Variants in TIAM2 observed in about 807,000 individuals in gnomAD.
TIAM2 encodes the protein rho guanine nucleotide exchange factor TIAM2.
In TIAM2, 80 loss-of-function variants were observed where a neutral mutation model predicts 152.9. That is an observed-to-expected ratio of 0.52 (90% CI 0.44 to 0.63). The LOEUF (loss-of-function observed/expected upper bound fraction) is 0.63. Among genes scored for constraint, TIAM2 ranks in the 30% least tolerant of loss-of-function variants. The pLI is 0.00. For synonymous variants in TIAM2, 804 were observed against 838.0 expected, an observed-to-expected ratio of 0.96 and a Z score of 0.70; for missense variants, 1,965 against 2,120.1, an observed-to-expected ratio of 0.93 and a Z score of 1.44.
At chr6:155,000,303 G>C (rs964877666) in intron 1 of TIAM2, among the ~76,000 whole-genome samples, 5 of 152,014 alleles carry the variant, frequency 3.3e-5, no homozygotes, top group African/African-American at 1.2e-4. Context: ...GGGAGGCCAA[G>C]GGGCGGATCA....
At chr6:155,198,690 A>AAAAAAC (rs1781408545) in intron 14 of TIAM2, among the ~76,000 whole-genome samples, 2 of 138,936 alleles carry the variant, frequency 1.4e-5, no homozygotes, top group African/African-American at 5.1e-5. Flanking sequence ...AAAAAAAAAA[A>AAAAAAC]TCTCTTAATG....
intron 1 of TIAM2, among the ~76,000 whole-genome samples, chr6:155,012,014 ACT>A (rs1562289325): frequency 6.6e-6 from 1 of 152,192 alleles, no homozygotes; most frequent in East Asian, 1.9e-4. Flanking sequence ...CCAAATGTAG[ACT>A]CTGGATTTCC....
At chr6:155,221,641 A>G (rs943260700) in intron 15 of TIAM2, among the ~76,000 whole-genome samples, 8 of 152,042 alleles carry the variant, frequency 5.3e-5, no homozygotes, top group Non-Finnish European at 8.8e-5. Context: ...GTCGTAAGGG[A>G]CCTCTTGCCA....
intron 14 of TIAM2, among the ~76,000 whole-genome samples, chr6:155,206,243 C>G (rs888707368): frequency 2.6e-5 from 4 of 151,724 alleles, no homozygotes; most frequent in Non-Finnish European, 4.4e-5. Context: ...TCCTTGTCCA[C>G]AGCATGGTTT....
At chr6:155,061,508 C>T (rs921069456) in intron 1 of TIAM2, among the ~76,000 whole-genome samples, 44 of 152,222 alleles carry the variant, frequency 2.9e-4, no homozygotes, top group Admixed American at 2.8e-3. Context: ...AATCTTGAGT[C>T]GCGTTGTTTA....
intron 3 of TIAM2, 83 bp downstream of exon 3, chr6:155,127,683 G>T: frequency 2.3e-6 from 1 of 434,362 alleles, no homozygotes; most frequent in South Asian, 1.7e-5. Context: ...AATTATTTGG[G>T]CTAGCGATTT....
chr6:155,165,263 G>A lies in TIAM2; in HGVS notation c.2215G>A (p.Val739Ile). 1 of 1,604,986 alleles carries A rather than the reference G, an allele frequency of 6.2e-7. No individual in the cohort carries two copies. Among genetic ancestry groups the A allele is most frequent in the South Asian group, 1.1e-5 (1 of 89,172 alleles). Residue 739 changes from valine (V) to isoleucine (I), a missense_variant and splice_region_variant, in exon 9 of 27, where the codon GTA becomes ATA. By Grantham distance (29) the Val-to-Ile change is conservative. Coordinates refer to ENST00000682666, the MANE Select transcript of TIAM2 (RefSeq NM_012454.4). Reference sequence around the variant, plus strand: ...TTTTTTAAACTGTGTTTTACATTAGGTATGTTCTAGAGATGACTCTGCTCT... The same window carrying A: ...TTTTTTAAACTGTGTTTTACATTAGATATGTTCTAGAGATGACTCTGCTCT... ...ILSVSSFHALVCSRDDSALRK... is the reference protein window; with the variant it reads ...ILSVSSFHALICSRDDSALRK...
chr6:155,253,133 TG>T (rs1320293830), intron 24 of TIAM2, 80 bp downstream of exon 24: 2 of 1,243,000 alleles, frequency 1.6e-6, no homozygotes, highest in African/African-American at 3.0e-5. Context: ...GAAAGGACCT[TG>T]GGGATAATTT....
chr6:155,103,686 T>C (rs894765075), intron 2 of TIAM2, among the ~76,000 whole-genome samples: 2 of 128,978 alleles, frequency 1.6e-5, no homozygotes, highest in African/African-American at 6.2e-5. Flanking sequence ...ATAGCACTAT[T>C]GCACTCCAGC....
chr6:155,136,869 A>C (rs989634274), intron 4 of TIAM2, among the ~76,000 whole-genome samples: 11 of 152,218 alleles, frequency 7.2e-5, no homozygotes, highest in African/African-American at 2.7e-4. Flanking sequence ...AGTAATCTTC[A>C]CTAGTGTGTT....
At chr6:155,073,069 T>G (rs1409447862) in intron 1 of TIAM2, among the ~76,000 whole-genome samples, 1 of 152,106 alleles carries the variant, frequency 6.6e-6, no homozygotes, top group Non-Finnish European at 1.5e-5. Flanking sequence ...CTAAGATCTG[T>G]TATTAAAGGT....
chr6:155,185,954 T>C (rs1781034954), intron 14 of TIAM2, among the ~76,000 whole-genome samples: 1 of 152,240 alleles, frequency 6.6e-6, no homozygotes, highest in African/African-American at 2.4e-5. Context: ...ACAGAGGCTT[T>C]TCTTTTTCTT....
At chr6:155,084,676 A>G (rs910746242) in intron 1 of TIAM2, among the ~76,000 whole-genome samples, 1 of 152,132 alleles carries the variant, frequency 6.6e-6, no homozygotes, top group Non-Finnish European at 1.5e-5. Flanking sequence ...ACTGTGCTCC[A>G]TGTGTATAGG....
Position 155,176,897 on chromosome 6 carries a change from C to T in TIAM2, c.2443C>T (p.His815Tyr), listed in dbSNP as rs2115130164. The T allele has an allele frequency of 1.2e-6, 2 of 1,613,952 alleles. No individual in the cohort carries two copies. Among genetic ancestry groups the T allele is most frequent in the Non-Finnish European group, 1.7e-6 (2 of 1,179,976 alleles). The change falls in exon 10 of 27, where the codon CAC (histidine) becomes TAC (tyrosine). Residue 815 changes from histidine (H) to tyrosine (Y), a missense_variant. Coordinates refer to ENST00000682666, the MANE Select transcript of TIAM2 (RefSeq NM_012454.4). The stretch of plus-strand genomic sequence containing the variant: ...TGCATGGGAAATCCAGACTTATGTC[C>T]ACTTTCAGGACAATCACGGAGTTAC... ...DNAWEIQTYVHFQDNHGVTVG... is the reference protein window; with the variant it reads ...DNAWEIQTYVYFQDNHGVTVG...
At chr6:155,240,049 C>T (rs1337986896) in intron 15 of TIAM2, among the ~76,000 whole-genome samples, 1 of 152,222 alleles carries the variant, frequency 6.6e-6, no homozygotes, top group Non-Finnish European at 1.5e-5. Context: ...GCCAGGTCGT[C>T]CTGTAATTGC....
chr6:155,153,627 T>TTA (rs1780031234), intron 7 of TIAM2, among the ~76,000 whole-genome samples: 3 of 137,928 alleles, frequency 2.2e-5, no homozygotes, highest in African/African-American at 8.1e-5. Context: ...TACGCTTTTT[T>TTA]TTTTTTTTTT....
intron 2 of TIAM2, among the ~76,000 whole-genome samples, chr6:155,104,816 A>C (rs1029224618): frequency 5.3e-5 from 8 of 152,288 alleles, no homozygotes; most frequent in Admixed American, 3.9e-4. Flanking sequence ...ATGTGGAAAA[A>C]GATTGTGTGT....
intron 1 of TIAM2, among the ~76,000 whole-genome samples, chr6:155,029,477 T>TATTATATATA (rs1562295184): frequency 0.27 from 883 of 3,224 alleles, 225 homozygotes; most frequent in Non-Finnish European, 0.3. Context: ...TATACTATAG[T>TATTATATATA]ATATATACTA....
At chr6:155,195,034 C>A (rs1048685062) in intron 14 of TIAM2, among the ~76,000 whole-genome samples, 2 of 152,190 alleles carry the variant, frequency 1.3e-5, no homozygotes, top group East Asian at 1.9e-4. Context: ...CGCAGCCCTG[C>A]GGAACTGTGA....
Sources: allele counts gnomAD v4.1 joint callset (sites outside exome capture counted in the v4.1 genomes callset), GRCh38; gene constraint gnomAD v4.1.1; transcripts MANE v1.5; gene names NCBI Gene and HGNC (gene_info 2026-07-23, HGNC 2026-07-21).